The following SLC9A3 variants were observed in gnomAD, a reference collection of about 807,000 sequenced individuals.
The protein encoded by SLC9A3 is solute carrier family 9 member A3.
A neutral mutation model predicts 86.8 loss-of-function variants in SLC9A3; 37 were observed. That is an observed-to-expected ratio of 0.43 (90% CI 0.33 to 0.56). SLC9A3 has a LOEUF of 0.56. Among genes scored for constraint, SLC9A3 ranks in the 20% least tolerant of loss-of-function variants. The pLI is 0.06. For synonymous variants in SLC9A3, 581 were observed against 528.3 expected (o/e 1.10, Z -1.37); for missense variants, 1,011 against 1,171.9 (o/e 0.86, Z 2.00).
In SLC9A3 at chr5:498,645, G is replaced by A. The variant is rs945902531; in HGVS notation, c.212-6574C>T. Among the ~76,000 whole-genome samples the A allele has an allele frequency of 4.6e-5, 7 of 152,200 alleles. No homozygotes were observed. The East Asian group carries it at 5.8e-4, about 13-fold the overall frequency. ...TTAAACTCCTGGGGTCAAGCGACAC[G>A]CCCACCTCGGTCGTCCACAGTGCTG... On this transcript the variant is annotated intron_variant, in intron 1 of 16. Transcript: ENST00000264938.
intron 1 of SLC9A3, among the ~76,000 whole-genome samples, chr5:519,704 C>T (rs1232004085): frequency 6.6e-6 from 1 of 152,144 alleles, no homozygotes; most frequent in Admixed American, 6.5e-5. Context: ...GAGCAGGGAA[C>T]CTGGCGCTCA....
chr5:479,890 G>A lies in SLC9A3; in HGVS notation c.1593C>T (p.Ile531=). The A allele has an allele frequency of 1.9e-6, 3 of 1,613,962 alleles. No individual in the cohort carries two copies. The highest frequency in any genetic ancestry group is 1.7e-6 in the Non-Finnish European group (2 of 1,179,986). The change falls in exon 10 of 17, where the codon ATC becomes ATT. Residue 531 remains isoleucine, a synonymous_variant. Transcript: ENST00000264938. The part of the protein sequence containing the change: ...RRSAQKSRDR[I]LNVFHELNLK... ...GGTTCAGCTCGTGGAAGACATTCAG[G>A]ATCCGGTCTCGAGACTTCTGGGCCG...
At chr5:479,811 C>A (rs1329820587) in intron 10 of SLC9A3, 25 bp downstream of exon 10, 6 of 1,611,400 alleles carry the variant, frequency 3.7e-6, no homozygotes, top group Non-Finnish European at 4.2e-6. Flanking sequence ...CAGCCCCGAC[C>A]CGGCAGAGCA....
intron 1 of SLC9A3, among the ~76,000 whole-genome samples, chr5:506,307 C>T (rs1166485228): frequency 6.6e-6 from 1 of 152,178 alleles, no homozygotes; most frequent in East Asian, 1.9e-4. Context: ...GGGCCCGAGA[C>T]GGGGGCTGGA....
rs940847385 is a variant in SLC9A3, at chr5:472,593, C to G, written c.*786G>C. On this transcript the variant is annotated 3_prime_UTR_variant, in exon 17 of 17. Transcript: ENST00000264938. ...GAGACCGGGCGCGGGCAGGACGGAA[C>G]CTGGGGGGGAAACGGGGCAGGTACT... 2 of 383,096 alleles carry G rather than the reference C, an allele frequency of 5.2e-6. No individual in the cohort carries two copies. Among genetic ancestry groups the G allele is most frequent in the Non-Finnish European group, 1.0e-5 (2 of 191,118 alleles). The allele number at this position is 383,096 out of a possible 1,614,324, so 23.7% of individuals were successfully genotyped here.
intron 1 of SLC9A3, among the ~76,000 whole-genome samples, chr5:523,576 A>G (rs1165106083): frequency 6.6e-6 from 1 of 151,588 alleles, no homozygotes; most frequent in East Asian, 1.9e-4. Flanking sequence ...GGTTAAGAAG[A>G]AGAGAAATCT....
chr5:513,140 G>T (rs1337097625), intron 1 of SLC9A3, among the ~76,000 whole-genome samples: 1 of 152,176 alleles, frequency 6.6e-6, no homozygotes, highest in African/African-American at 2.4e-5. Flanking sequence ...GAGCTGCGTG[G>T]TGTGGGCTGG....
At chr5:504,562 TC>T (rs1180050724) in intron 1 of SLC9A3, among the ~76,000 whole-genome samples, 2 of 152,212 alleles carry the variant, frequency 1.3e-5, no homozygotes, top group East Asian at 3.9e-4. Context: ...GATCTCAGGC[TC>T]CCCGGGCTCA....
intron 5 of SLC9A3, among the ~76,000 whole-genome samples, chr5:484,092 C>T (rs896211127): frequency 1.3e-4 from 20 of 150,634 alleles, no homozygotes; most frequent in African/African-American, 3.9e-4. Flanking sequence ...TGGCTCACCC[C>T]GCCGGACCCA....
intron 9 of SLC9A3, 39 bp downstream of exon 9, chr5:481,526 G>A (rs1160010038): frequency 4.6e-6 from 7 of 1,525,434 alleles, no homozygotes; most frequent in Admixed American, 3.3e-5. Flanking sequence ...TCCAGAAGCC[G>A]GGCTGTGCGA....
chr5:502,356 G>A (rs1487687821), intron 1 of SLC9A3, among the ~76,000 whole-genome samples: 1 of 152,130 alleles, frequency 6.6e-6, no homozygotes, highest in African/African-American at 2.4e-5. Context: ...GTCCCAAGCT[G>A]CCCACAGCAG....
intron 1 of SLC9A3, among the ~76,000 whole-genome samples, chr5:510,009 G>A (rs1186370073): frequency 6.6e-6 from 1 of 152,246 alleles, no homozygotes; most frequent in African/African-American, 2.4e-5. Context: ...GGCTTCGGGA[G>A]AAGAGGGGCT....
chr5:503,683 G>A (rs186290616), intron 1 of SLC9A3, among the ~76,000 whole-genome samples: 1 of 152,382 alleles, frequency 6.6e-6, no homozygotes, highest in East Asian at 1.9e-4. Context: ...TGCAAGTACA[G>A]GGAAAATCCT....
In SLC9A3 at chr5:476,669, T is replaced by C; in HGVS notation, c.1764A>G (p.Arg588=). Residue 588 remains arginine, a synonymous_variant, in exon 12 of 17, where the codon AGA becomes AGG. Transcript: ENST00000264938. The stretch of plus-strand genomic sequence containing the variant: ...CCAGGCAGACAGCGCTGACATTTTC[T>C]CTCCTGCGTGGGGACCAGCGCTGAG... ...TVEASVSYLL[R]ENVSAVCLDM... The C allele has an allele frequency of 6.2e-7, 1 of 1,603,808 alleles. No individual in the cohort carries two copies. The highest frequency in any genetic ancestry group is 8.5e-7 in the Non-Finnish European group (1 of 1,179,794).
chr5:498,334 G>C (rs1327950195), intron 1 of SLC9A3, among the ~76,000 whole-genome samples: 1 of 152,042 alleles, frequency 6.6e-6, no homozygotes, highest in Non-Finnish European at 1.5e-5. Context: ...TCTGCTTCTT[G>C]TCACACTTGT....
intron 15 of SLC9A3, 60 bp downstream of exon 15, chr5:475,501 C>T: frequency 9.8e-7 from 1 of 1,018,254 alleles, no homozygotes; most frequent in Non-Finnish European, 1.5e-6. Context: ...GACCGAGCTC[C>T]CTCCTGGGGC....
intron 3 of SLC9A3, 46 bp from the exon 4 acceptor site, chr5:485,277 C>T (rs771976765): frequency 5.3e-6 from 8 of 1,518,140 alleles, no homozygotes; most frequent in Non-Finnish European, 6.4e-6. Context: ...TGGTTAGTGC[C>T]ACCCCCTCTC....
intron 11 of SLC9A3, 48 bp downstream of exon 11, chr5:477,284 C>G: frequency 7.3e-7 from 1 of 1,370,446 alleles, no homozygotes; most frequent in Non-Finnish European, 1.0e-6. Flanking sequence ...TCTCAGCTCC[C>G]GAGGCTGGGC....
chr5:482,036 G>T, intron 8 of SLC9A3, 32 bp downstream of exon 8: 7 of 328,144 alleles, frequency 2.1e-5, no homozygotes, highest in Admixed American at 5.7e-5. Context: ...AACACGCAGT[G>T]CCCCCCCCCC....
Sources: gnomAD v4.1 joint callset for allele counts (sites outside exome capture counted in the v4.1 genomes callset) on GRCh38, gnomAD v4.1.1 for gene constraint, MANE v1.5 for transcripts, NCBI Gene and HGNC (gene_info 2026-07-23, HGNC 2026-07-21) for gene names.